The following KIRREL3 variants were observed in gnomAD, a reference collection of about 807,000 sequenced individuals.
The protein encoded by KIRREL3 is kirre like nephrin family adhesion molecule 3.
Under a neutral mutation model 89.7 loss-of-function variants are expected in KIRREL3, and 36 were observed. The observed-to-expected ratio is 0.40, with a 90% confidence interval of 0.31 to 0.53. KIRREL3 has a LOEUF of 0.53. KIRREL3 is among the 20% of genes least tolerant of loss of function. The pLI is 0.49. For missense variants in KIRREL3, 864 were observed against 1,056.6 expected, an observed-to-expected ratio of 0.82 and a Z score of 2.53; for synonymous variants, 445 against 441.4, an observed-to-expected ratio of 1.01 and a Z score of -0.10.
rs958099238 is a variant in KIRREL3 at position 126,883,665 on chromosome 11, T to C, written c.55+116790A>G. Among the ~76,000 whole-genome samples, 3 of 152,118 alleles carry C rather than the reference T, an allele frequency of 2.0e-5. No homozygotes were observed. The highest frequency in any genetic ancestry group is 2.0e-4 in the Admixed American group (3 of 15,262). ...ATTTTAGCATTTACTTCCTTACACATAGACTTTTTCCATTCCCACTTCACA... is the reference window on the plus strand; with the variant it reads ...ATTTTAGCATTTACTTCCTTACACACAGACTTTTTCCATTCCCACTTCACA... On this transcript the variant is annotated intron_variant, in intron 1 of 16. Coordinates refer to ENST00000525144, the MANE Select transcript of KIRREL3 (RefSeq NM_032531.4). This position sits in a 1 kb window ranked among gnomAD's most constrained non-coding sequence, Gnocchi z 4.1.
In KIRREL3 at chr11:126,491,994, G is replaced by A. The variant is rs948818647; in HGVS notation, c.434-18528C>T. Among the ~76,000 whole-genome samples, 7 of 152,162 alleles carry A rather than the reference G, an allele frequency of 4.6e-5. No homozygotes were observed. The highest frequency in any genetic ancestry group is 3.9e-4 in the East Asian group (2 of 5,188). On this transcript the variant is annotated intron_variant, in intron 4 of 16. Coordinates refer to ENST00000525144, the MANE Select transcript of KIRREL3 (RefSeq NM_032531.4). The surrounding 1 kb of genome is among the most constrained non-coding windows in gnomAD (Gnocchi z 5.5). The stretch of plus-strand genomic sequence containing the variant: ...TAGGATTACAGGTGTGAGCCACCAC[G>A]CCTGGGAGATTTGGAGTATTGATAG...
At position 126,563,013 on chromosome 11, in the gene KIRREL3, C is replaced by T; in HGVS notation, c.56-101G>A. 1 of 733,260 alleles carries T rather than the reference C, an allele frequency of 1.4e-6. No homozygotes were observed. The highest frequency in any genetic ancestry group is 2.3e-6 in the Non-Finnish European group (1 of 442,930). 45.4% of individuals were successfully genotyped at this position (733,260 alleles called of 1,614,324 possible). A position where few individuals can be genotyped will look rare whatever the true frequency, so the allele number is the denominator to read the frequency against. Reference sequence around the variant, plus strand: ...CTGTGGAGCTTGTTGCTCTTATAAACAGAGGTGCTTTTGTTTAGCCAACAT... The same window carrying T: ...CTGTGGAGCTTGTTGCTCTTATAAATAGAGGTGCTTTTGTTTAGCCAACAT... On this transcript the variant is annotated intron_variant, in intron 1 of 16. Coordinates refer to ENST00000525144, the MANE Select transcript of KIRREL3 (RefSeq NM_032531.4). This position sits in a 1 kb window ranked among gnomAD's most constrained non-coding sequence, Gnocchi z 6.8.
chr11:126,457,361 G>C (rs1956398150), intron 6 of KIRREL3, among the ~76,000 whole-genome samples: 1 of 87,742 alleles, frequency 1.1e-5, no homozygotes, highest in Non-Finnish European at 2.2e-5. Context: ...GTATGTCTCT[G>C]TGTGTATGCG....
intron 1 of KIRREL3, among the ~76,000 whole-genome samples, chr11:126,819,759 T>C (rs1486691519): frequency 6.6e-6 from 1 of 152,230 alleles, no homozygotes; most frequent in Non-Finnish European, 1.5e-5. Context: ...CCAATGTACT[T>C]ATAGCCTTTT....
At position 126,696,639 on chromosome 11, in the gene KIRREL3, A is replaced by G. The variant is rs1947109008; in HGVS notation, c.56-133727T>C. Among the ~76,000 whole-genome samples, 1 of 152,210 alleles carries G rather than the reference A, an allele frequency of 6.6e-6. No homozygotes were observed. The highest frequency in any genetic ancestry group is 1.5e-5 in the Non-Finnish European group (1 of 68,032). On this transcript the variant is annotated intron_variant, in intron 1 of 16. Transcript: ENST00000525144. The surrounding 1 kb of genome is among the most constrained non-coding windows in gnomAD (Gnocchi z 4.4). ...CAGCTGGAATCCACAGAGGCGCCAC[A>G]GTACCGAAAGGGTGGCTCAAACCAC...
chr11:126,986,117 T>C (rs1322602838), intron 1 of KIRREL3, among the ~76,000 whole-genome samples: 1 of 152,146 alleles, frequency 6.6e-6, no homozygotes, highest in Non-Finnish European at 1.5e-5. Context: ...GCATCCACTG[T>C]GGGATGAGGG....
intron 1 of KIRREL3, among the ~76,000 whole-genome samples, chr11:126,859,235 T>A (rs1944632172): frequency 6.6e-6 from 1 of 152,204 alleles, no homozygotes; most frequent in South Asian, 2.1e-4. Context: ...GTGGTAATGA[T>A]AATGAAAGCA....
At position 126,912,508 on chromosome 11, in the gene KIRREL3, C is replaced by T. The variant is rs921734577; in HGVS notation, c.55+87947G>A. Among the ~76,000 whole-genome samples, 1 of 152,202 alleles carries T rather than the reference C, an allele frequency of 6.6e-6. No homozygotes were observed. Among genetic ancestry groups the T allele is most frequent in the Admixed American group, 6.5e-5 (1 of 15,286 alleles). ...CCTCACAGTAGGCATCAACCAAGAA[C>T]ATATCACACTCACCTACAAAACAAG... On this transcript the variant is annotated intron_variant, in intron 1 of 16. Transcript: ENST00000525144. The surrounding 1 kb of genome is among the most constrained non-coding windows in gnomAD (Gnocchi z 4.7).
At chr11:126,935,044 A>T (rs1205264730) in intron 1 of KIRREL3, 1 of 112,368 alleles carries the variant, frequency 8.9e-6, no homozygotes, top group Non-Finnish European at 1.8e-5. Flanking sequence ...ATAGAGCAAG[A>T]CTCCGTCTTA....
At position 126,643,682 on chromosome 11, in the gene KIRREL3, G is replaced by A. The variant is rs944580984; in HGVS notation, c.56-80770C>T. On this transcript the variant is annotated intron_variant, in intron 1 of 16. Transcript: ENST00000525144. The surrounding 1 kb of genome is among the most constrained non-coding windows in gnomAD (Gnocchi z 4.5). The stretch of plus-strand genomic sequence containing the variant: ...ATGTGGCAACACAATGAGTAGGATT[G>A]TACTGAAGATGAATTGGAGATAGGG... Among the ~76,000 whole-genome samples, 9 of 152,230 alleles carry A rather than the reference G, an allele frequency of 5.9e-5. No individual in the cohort carries two copies. Among genetic ancestry groups the A allele is most frequent in the African/African-American group, 2.2e-4 (9 of 41,466 alleles).
intron 1 of KIRREL3, among the ~76,000 whole-genome samples, chr11:126,657,215 C>T (rs1473418950): frequency 1.3e-5 from 2 of 149,866 alleles, no homozygotes; most frequent in Admixed American, 6.7e-5. Flanking sequence ...CATAATCTCT[C>T]AGGAGAATAA....
chr11:126,573,428 C>G (rs1038615656), intron 1 of KIRREL3, among the ~76,000 whole-genome samples: 2 of 152,122 alleles, frequency 1.3e-5, no homozygotes, highest in Non-Finnish European at 2.9e-5. Flanking sequence ...ATCTCCCCAA[C>G]AGCAGAGCCA....
intron 2 of KIRREL3, among the ~76,000 whole-genome samples, chr11:126,540,175 G>T (rs1022726809): frequency 1.3e-5 from 2 of 152,322 alleles, no homozygotes; most frequent in Admixed American, 6.5e-5. Context: ...GAGAGACAAA[G>T]AAACACTTTC....
Position 126,909,927 on chromosome 11 carries a change from T to G in KIRREL3, c.55+90528A>C, listed in dbSNP as rs1946748874. Reference sequence around the variant, plus strand: ...TCTCAACTCCTAATGGACCCTGTATTAACTGAAGATGACAGGGAGCGAGGG... The same window carrying G: ...TCTCAACTCCTAATGGACCCTGTATGAACTGAAGATGACAGGGAGCGAGGG... On this transcript the variant is annotated intron_variant, in intron 1 of 16. Transcript: ENST00000525144. The surrounding 1 kb of genome is among the most constrained non-coding windows in gnomAD (Gnocchi z 4.5). Among the ~76,000 whole-genome samples, 1 of 152,202 alleles carries G rather than the reference T, an allele frequency of 6.6e-6. No homozygotes were observed. Among genetic ancestry groups the G allele is most frequent in the South Asian group, 2.1e-4 (1 of 4,822 alleles).
chr11:126,541,355 CCCT>C lies in KIRREL3; in HGVS notation c.134-14671_134-14669del. Among the ~76,000 whole-genome samples the C allele has an allele frequency of 1.3e-5, 2 of 152,148 alleles. No homozygotes were observed. Among genetic ancestry groups the C allele is most frequent in the Non-Finnish European group, 2.9e-5 (2 of 68,036 alleles). ...CAAGGTTTAAGCGCCTTCCTCCCAA[CCCT>C]AATGCTTGATGTTCTAACTTATCCA... On this transcript the variant is annotated intron_variant, in intron 2 of 16. Transcript: ENST00000525144. The surrounding 1 kb of genome is among the most constrained non-coding windows in gnomAD (Gnocchi z 4.8).
At chr11:126,675,623 C>T (rs1266083577) in intron 1 of KIRREL3, among the ~76,000 whole-genome samples, 2 of 152,204 alleles carry the variant, frequency 1.3e-5, no homozygotes. Context: ...CCAATGCCTA[C>T]TGTCGTTGCC....
chr11:126,449,231 C>A, intron 7 of KIRREL3, 74 bp from the exon 8 acceptor site: 2 of 1,544,788 alleles, frequency 1.3e-6, no homozygotes, highest in African/African-American at 1.4e-5. Flanking sequence ...ACACATCCAT[C>A]CCATGGAAAA....
At chr11:126,919,883 C>T (rs1369963609) in intron 1 of KIRREL3, among the ~76,000 whole-genome samples, 3 of 152,114 alleles carry the variant, frequency 2.0e-5, no homozygotes, top group Admixed American at 6.6e-5. Flanking sequence ...TGCACTACTA[C>T]AGTATTAAGA....
At position 126,684,036 on chromosome 11, in the gene KIRREL3, C is replaced by T. The variant is rs902395302; in HGVS notation, c.56-121124G>A. Among the ~76,000 whole-genome samples the T allele has an allele frequency of 6.6e-6, 1 of 152,220 alleles. No individual in the cohort carries two copies. The highest frequency in any genetic ancestry group is 2.1e-4 in the South Asian group (1 of 4,830). On this transcript the variant is annotated intron_variant, in intron 1 of 16. Transcript: ENST00000525144. The surrounding 1 kb of genome is among the most constrained non-coding windows in gnomAD (Gnocchi z 4.2). ...AGCTCCGCCTTCATACCGAAGGCAG[C>T]TTAGCATGGCACTGTCTGATCTGCT...
Sources: gnomAD v4.1 joint callset for allele counts (sites outside exome capture counted in the v4.1 genomes callset) on GRCh38, gnomAD v4.1.1 for gene constraint, Gnocchi (gnomAD v3.1) non-coding constraint, MANE v1.5 for transcripts, NCBI Gene and HGNC (gene_info 2026-07-23, HGNC 2026-07-21) for gene names.